Variants in AGPAT5 observed in about 807,000 individuals in gnomAD.
AGPAT5 encodes 1-acyl-sn-glycerol-3-phosphate acyltransferase epsilon.
In AGPAT5, 46 loss-of-function variants were observed where a neutral mutation model predicts 45.6. The ratio of observed to expected loss-of-function variants is 1.01; its 90% CI spans 0.80 to 1.29. AGPAT5 has a LOEUF of 1.29. Ranked by LOEUF, AGPAT5 falls within the 50% of genes most tolerant of loss-of-function variation. AGPAT5 has a pLI of 0.00. For synonymous variants in AGPAT5, 272 were observed against 167.0 expected (o/e 1.63, Z -4.85); for missense variants, 673 against 450.7 (o/e 1.49, Z -4.47).
chr8:6,725,384 C>T (rs1039909681), intron 2 of AGPAT5, among the ~76,000 whole-genome samples: 1 of 152,128 alleles, frequency 6.6e-6, no homozygotes, highest in Non-Finnish European at 1.5e-5. Flanking sequence ...TCTTCCTTTC[C>T]TTCTTCAAAT....
intron 1 of AGPAT5, among the ~76,000 whole-genome samples, chr8:6,721,835 G>C (rs909860979): frequency 2.0e-5 from 3 of 151,780 alleles, no homozygotes; most frequent in African/African-American, 7.3e-5. Context: ...CACAGGGAAG[G>C]AGGGTTTTAT....
chr8:6,747,080 A>G (rs1393227201), intron 5 of AGPAT5, among the ~76,000 whole-genome samples: 7 of 152,260 alleles, frequency 4.6e-5, no homozygotes, highest in Admixed American at 4.6e-4. Flanking sequence ...ATGAATGTTC[A>G]TAGCAGCATT....
intron 2 of AGPAT5, among the ~76,000 whole-genome samples, chr8:6,725,703 A>T (rs905092807): frequency 1.9e-4 from 29 of 152,198 alleles, no homozygotes; most frequent in African/African-American, 7.0e-4. Flanking sequence ...TCAAACCTGT[A>T]GCTACTTTTG....
chr8:6,725,257 G>A (rs1800647185), intron 2 of AGPAT5, among the ~76,000 whole-genome samples: 1 of 152,170 alleles, frequency 6.6e-6, no homozygotes, highest in East Asian at 1.9e-4. Context: ...TCTAGAAGTA[G>A]CATTGGTGGG....
chr8:6,740,877 A>C (rs1358892494), intron 4 of AGPAT5, among the ~76,000 whole-genome samples: 1 of 152,102 alleles, frequency 6.6e-6, no homozygotes, highest in African/African-American at 2.4e-5. Context: ...GTATTTGAAA[A>C]GATTTGGTGT....
At chr8:6,751,613 C>G (rs954516344) in intron 6 of AGPAT5, among the ~76,000 whole-genome samples, 1 of 152,348 alleles carries the variant, frequency 6.6e-6, no homozygotes, top group African/African-American at 2.4e-5. Flanking sequence ...AGGTATAAAT[C>G]AAAGCCCACC....
intron 1 of AGPAT5, among the ~76,000 whole-genome samples, chr8:6,720,608 G>T (rs1800466565): frequency 6.6e-6 from 1 of 152,160 alleles, no homozygotes; most frequent in African/African-American, 2.4e-5. Flanking sequence ...GAAGAAGGAA[G>T]CACTGTCTTT....
intron 5 of AGPAT5, among the ~76,000 whole-genome samples, chr8:6,746,874 A>T (rs997371877): frequency 6.6e-6 from 1 of 152,210 alleles, no homozygotes; most frequent in Non-Finnish European, 1.5e-5. Context: ...AATCAAGGAA[A>T]AGGGAGGTAA....
chr8:6,730,811 G>A lies in AGPAT5; in HGVS notation c.390G>A (p.Gly130=), dbSNP rs1183361996. The A allele has an allele frequency of 1.9e-6, 3 of 1,612,024 alleles. No homozygotes were observed. The highest frequency in any genetic ancestry group is 2.2e-5 in the East Asian group (1 of 44,872). ...GGTTAAAATGGCTGCCATTGTATGGGTGTTACTTTGCTCAGGTAACTTGTT... is the reference window on the plus strand; with the variant it reads ...GGTTAAAATGGCTGCCATTGTATGGATGTTACTTTGCTCAGGTAACTTGTT... ...KEGLKWLPLY[G]CYFAQHGGIY... is the part of the protein sequence containing the mutation. Residue 130 remains glycine (G), a synonymous_variant, in exon 3 of 8, where the codon GGG becomes GGA. Transcript: ENST00000285518.
chr8:6,739,536 C>G (rs2116922208), intron 4 of AGPAT5, among the ~76,000 whole-genome samples: 1 of 152,062 alleles, frequency 6.6e-6, no homozygotes, highest in East Asian at 1.9e-4. Flanking sequence ...GTTTTTGATA[C>G]TATTGTAGAT....
At chr8:6,722,252 G>C (rs544029428) in intron 1 of AGPAT5, among the ~76,000 whole-genome samples, 1 of 152,194 alleles carries the variant, frequency 6.6e-6, no homozygotes, top group Non-Finnish European at 1.5e-5. Flanking sequence ...TAGGCAGTTA[G>C]GGGAAGGGCA....
At chr8:6,746,839 C>G (rs1300607286) in intron 5 of AGPAT5, among the ~76,000 whole-genome samples, 2 of 152,136 alleles carry the variant, frequency 1.3e-5, no homozygotes, top group East Asian at 3.8e-4. Context: ...CTACTGTTTT[C>G]TGTTAAATTG....
chr8:6,737,300 T>C (rs989897672), intron 4 of AGPAT5, among the ~76,000 whole-genome samples: 4 of 152,232 alleles, frequency 2.6e-5, no homozygotes, highest in East Asian at 3.8e-4. Flanking sequence ...CAGGTTCTTA[T>C]GATTCTTTTG....
chr8:6,715,382 C>G (rs1800288622), intron 1 of AGPAT5, among the ~76,000 whole-genome samples: 1 of 151,928 alleles, frequency 6.6e-6, no homozygotes, highest in Non-Finnish European at 1.5e-5. Flanking sequence ...AAAAGAATTC[C>G]AAATCTATTT....
At chr8:6,720,536 A>C (rs1036327995) in intron 1 of AGPAT5, among the ~76,000 whole-genome samples, 1 of 152,170 alleles carries the variant, frequency 6.6e-6, no homozygotes, top group Non-Finnish European at 1.5e-5. Flanking sequence ...AAATGACCCC[A>C]ATATTGGCCA....
chr8:6,708,740 G>A lies in AGPAT5; in HGVS notation c.72G>A (p.Thr24=). The change falls in exon 1 of 8, where the codon ACG becomes ACA. Residue 24 remains threonine, a synonymous_variant. Transcript: ENST00000285518. ...TGCCCAGCGTCGTGCTCCTGGGCAC[G>A]GCGCCCACCTACGTGTTGGCCTGGG... is the stretch of plus-strand genomic sequence containing the variant. ...YLLPSVVLLG[T]APTYVLAWGV... is the part of the protein sequence containing the mutation. 6.2e-7 allele frequency: 1 copy of A among 1,607,672 alleles called. No homozygotes were observed. The highest frequency in any genetic ancestry group is 8.5e-7 in the Non-Finnish European group (1 of 1,179,638).
At chr8:6,717,908 G>GT (rs1278468115) in intron 1 of AGPAT5, among the ~76,000 whole-genome samples, 2 of 152,162 alleles carry the variant, frequency 1.3e-5, no homozygotes, top group African/African-American at 4.8e-5. Flanking sequence ...GCAGAGAGTA[G>GT]TTTTGTCACA....
At chr8:6,747,642 T>A (rs759803550) in intron 5 of AGPAT5, 28 bp from the exon 6 acceptor site, 1 of 1,594,752 alleles carries the variant, frequency 6.3e-7, no homozygotes, top group Non-Finnish European at 8.6e-7. Flanking sequence ...TTGTAACTAA[T>A]TAATGACGGC....
At chr8:6,754,649 G>T (rs1801771677) in intron 6 of AGPAT5, among the ~76,000 whole-genome samples, 1 of 152,186 alleles carries the variant, frequency 6.6e-6, no homozygotes, top group African/African-American at 2.4e-5. Context: ...ATGGTGACAG[G>T]TGACACACTA....
Sources: allele counts gnomAD v4.1 joint callset (sites outside exome capture counted in the v4.1 genomes callset), GRCh38; gene constraint gnomAD v4.1.1; transcripts MANE v1.5; gene names NCBI Gene and HGNC (gene_info 2026-07-23, HGNC 2026-07-21).